The following PELI1 variants were observed in gnomAD, a reference collection of about 807,000 sequenced individuals.
PELI1 encodes pellino E3 ubiquitin protein ligase 1.
PELI1 carries 15 observed loss-of-function variants against 41.3 expected under a neutral mutation model. That is an observed-to-expected ratio of 0.36 (90% confidence interval 0.24 to 0.56). The LOEUF is 0.56. Ranked by LOEUF, PELI1 falls within the 20% of genes least tolerant of loss-of-function variation. The pLI is 0.82. For synonymous variants in PELI1, 178 were observed against 180.1 expected (o/e 0.99, Z 0.09); for missense variants, 403 against 525.5 (o/e 0.77, Z 2.28).
At chr2:64,130,575 A>G (rs182578479) in intron 1 of PELI1, among the ~76,000 whole-genome samples, 3 of 152,342 alleles carry the variant, frequency 2.0e-5, no homozygotes, top group African/African-American at 7.2e-5. Context: ...ATCTTCTATT[A>G]AAGCTGAACA....
At chr2:64,095,289 A>T in intron 6 of PELI1, 21 bp from the exon 7 acceptor site, 1 of 1,554,922 alleles carries the variant, frequency 6.4e-7, no homozygotes, top group Non-Finnish European at 8.9e-7. Context: ...CAAGAGTTGA[A>T]AAACATATTC....
At chr2:64,110,359 G>A (rs1231254668) in intron 1 of PELI1, among the ~76,000 whole-genome samples, 3 of 150,972 alleles carry the variant, frequency 2.0e-5, no homozygotes, top group African/African-American at 7.3e-5. Context: ...AGAAACCACA[G>A]AACCCAGAAG....
At chr2:64,126,616 C>T (rs892041178) in intron 1 of PELI1, among the ~76,000 whole-genome samples, 2 of 152,090 alleles carry the variant, frequency 1.3e-5, no homozygotes, top group Non-Finnish European at 2.9e-5. Flanking sequence ...CATTTGTTTA[C>T]TTATGTTTAC....
intron 1 of PELI1, among the ~76,000 whole-genome samples, chr2:64,125,074 G>C (rs895724800): frequency 6.7e-5 from 10 of 150,018 alleles, no homozygotes; most frequent in Non-Finnish European, 1.2e-4. Flanking sequence ...CACAGGGCAA[G>C]GTATGTGGGG....
At chr2:64,109,045 G>A (rs1344781012) in intron 1 of PELI1, among the ~76,000 whole-genome samples, 1 of 152,186 alleles carries the variant, frequency 6.6e-6, no homozygotes, top group African/African-American at 2.4e-5. Context: ...CCCTATTAGG[G>A]CAATGTAAAA....
chr2:64,118,060 C>T (rs528700946), intron 1 of PELI1, among the ~76,000 whole-genome samples: 71 of 152,230 alleles, frequency 4.7e-4, no homozygotes, highest in African/African-American at 1.6e-3. Context: ...CTGCCCAACT[C>T]GGCCTCCCAA....
chr2:64,134,643 G>A (rs1383272950), intron 1 of PELI1, among the ~76,000 whole-genome samples: 1 of 152,114 alleles, frequency 6.6e-6, no homozygotes, highest in Admixed American at 6.5e-5. Context: ...TTTAAAGAAT[G>A]ACAGTGAGAA....
At chr2:64,123,011 T>C (rs1276479194) in intron 1 of PELI1, among the ~76,000 whole-genome samples, 1 of 152,220 alleles carries the variant, frequency 6.6e-6, no homozygotes, top group Non-Finnish European at 1.5e-5. Context: ...CTAACTGATC[T>C]TGGGACTCCT....
At chr2:64,096,657 T>A (rs762979418) in intron 4 of PELI1, 47 bp from the exon 5 acceptor site, 5 of 1,288,578 alleles carry the variant, frequency 3.9e-6, no homozygotes, top group Non-Finnish European at 5.5e-6. Context: ...AAGAGCACAG[T>A]GGAAAATCCA....
At chr2:64,144,416 TCACTGA>T (rs1341141378) in exon 1 of PELI1, 1 of 147,916 alleles carries the variant, frequency 6.8e-6, no homozygotes. Flanking sequence ...CGCCTCTGGG[TCACTGA>T]CATACACTCG....
chr2:64,117,618 T>C (rs1037418877), intron 1 of PELI1, among the ~76,000 whole-genome samples: 1 of 152,134 alleles, frequency 6.6e-6, no homozygotes, highest in African/African-American at 2.4e-5. Context: ...AAATTCAAAT[T>C]ACAAATAAGT....
At chr2:64,138,463 C>T (rs1681789715) in intron 1 of PELI1, among the ~76,000 whole-genome samples, 3 of 152,138 alleles carry the variant, frequency 2.0e-5, no homozygotes, top group African/African-American at 7.2e-5. Context: ...TGTGGTGGCT[C>T]CCACCTGTAA....
At chr2:64,125,766 C>T (rs1310327891) in intron 1 of PELI1, among the ~76,000 whole-genome samples, 1 of 152,222 alleles carries the variant, frequency 6.6e-6, no homozygotes, top group Non-Finnish European at 1.5e-5. Flanking sequence ...ACAGGTTGAA[C>T]AACCCGAATC....
intron 1 of PELI1, among the ~76,000 whole-genome samples, chr2:64,116,103 T>C: frequency 6.6e-6 from 1 of 152,146 alleles, no homozygotes; most frequent in Non-Finnish European, 1.5e-5. Flanking sequence ...ACATACACAT[T>C]AGAAGTGAGT....
chr2:64,135,745 C>T (rs537229984), intron 1 of PELI1, among the ~76,000 whole-genome samples: 173 of 152,262 alleles, frequency 1.1e-3, no homozygotes, highest in African/African-American at 4.0e-3. Context: ...TATTGTTACT[C>T]ATTATTATTT....
intron 1 of PELI1, among the ~76,000 whole-genome samples, chr2:64,123,212 A>G (rs1473239473): frequency 6.6e-6 from 1 of 152,248 alleles, no homozygotes; most frequent in Non-Finnish European, 1.5e-5. Context: ...TGAAAATCAG[A>G]CAAAAATTTA....
At chr2:64,120,414 A>G (rs1363204052) in intron 1 of PELI1, among the ~76,000 whole-genome samples, 2 of 152,278 alleles carry the variant, frequency 1.3e-5, no homozygotes, top group African/African-American at 4.8e-5. Flanking sequence ...ACTAAAATTA[A>G]GTCACAAGTA....
rs1405879542 is a variant in PELI1, at chr2:64,108,359, G to A, written c.-49C>T. On this transcript the variant is annotated 5_prime_UTR_variant, in exon 2 of 7. Coordinates refer to ENST00000358912, the MANE Select transcript of PELI1 (RefSeq NM_020651.4). ...CTTTGTTCACTGGTCAGGAGCCTTG[G>A]GACACCTTTTGCATTATTTCCTAGA... The A allele has an allele frequency of 9.0e-7, 1 of 1,106,102 alleles. No homozygotes were observed. The highest frequency in any genetic ancestry group is 1.8e-5 in the Admixed American group (1 of 56,334). 68.5% of individuals were successfully genotyped at this position (1,106,102 alleles called of 1,614,324 possible).
intron 1 of PELI1, among the ~76,000 whole-genome samples, chr2:64,118,061 G>A (rs371883386): frequency 5.3e-5 from 8 of 152,094 alleles, no homozygotes; most frequent in Non-Finnish European, 1.0e-4. Context: ...TGCCCAACTC[G>A]GCCTCCCAAA....
Sources: gnomAD v4.1 joint callset for allele counts (sites outside exome capture counted in the v4.1 genomes callset) on GRCh38, gnomAD v4.1.1 for gene constraint, MANE v1.5 for transcripts, NCBI Gene and HGNC (gene_info 2026-07-23, HGNC 2026-07-21) for gene names.